The following DTNA variants were observed in gnomAD, a reference collection of about 807,000 sequenced individuals.
The protein encoded by DTNA is dystrophin-related protein 3.
A neutral mutation model predicts 100.7 loss-of-function variants in DTNA; 43 were observed. The ratio of observed to expected loss-of-function variants is 0.43; its 90% CI spans 0.33 to 0.55. The LOEUF is 0.55. DTNA is among the 20% of genes least tolerant of loss of function. DTNA has a pLI of 0.04. For missense variants in DTNA, 798 were observed against 953.9 expected (o/e 0.84, Z 2.15); for synonymous variants, 349 against 347.9 (o/e 1.00, Z -0.04).
At chr18:34,625,288 C>G (rs2057163329) in intron 1 of DTNA, among the ~76,000 whole-genome samples, 1 of 152,182 alleles carries the variant, frequency 6.6e-6, no homozygotes, top group Non-Finnish European at 1.5e-5. Context: ...CTCGGCCTCC[C>G]AAAGTGCTGG....
intron 1 of DTNA, among the ~76,000 whole-genome samples, chr18:34,623,481 C>A (rs973491589): frequency 3.9e-5 from 6 of 152,134 alleles, no homozygotes; most frequent in Non-Finnish European, 8.8e-5. Context: ...TTTCTGGAAC[C>A]TTTGCTTCTC....
At chr18:34,556,604 G>A (rs2046082140) in intron 1 of DTNA, among the ~76,000 whole-genome samples, 1 of 152,046 alleles carries the variant, frequency 6.6e-6, no homozygotes, top group Admixed American at 6.6e-5. Context: ...TGTCTATAAA[G>A]TATTTTATTT....
chr18:34,804,621 T>C (rs1777837864), intron 4 of DTNA, among the ~76,000 whole-genome samples: 1 of 152,166 alleles, frequency 6.6e-6, no homozygotes, highest in Non-Finnish European at 1.5e-5. Flanking sequence ...ATGGTGTTTC[T>C]AATAACCAGC....
chr18:34,622,413 A>G (rs951417296), intron 1 of DTNA, among the ~76,000 whole-genome samples: 4 of 152,176 alleles, frequency 2.6e-5, no homozygotes, highest in Admixed American at 1.3e-4. Flanking sequence ...AAAAAGTGCT[A>G]CGGTTTGGTG....
At chr18:34,802,984 G>T (rs2095264149) in intron 4 of DTNA, among the ~76,000 whole-genome samples, 1 of 152,072 alleles carries the variant, frequency 6.6e-6, no homozygotes, top group African/African-American at 2.4e-5. Context: ...TTTTAAAAAA[G>T]ATCCATTTGT....
At chr18:34,508,520 C>T (rs376569323) in intron 1 of DTNA, among the ~76,000 whole-genome samples, 4 of 151,994 alleles carry the variant, frequency 2.6e-5, no homozygotes, top group African/African-American at 9.7e-5. Context: ...TTCCAAACCC[C>T]AGGATAGGGT....
intron 1 of DTNA, among the ~76,000 whole-genome samples, chr18:34,503,388 T>C: frequency 6.8e-6 from 1 of 146,674 alleles, no homozygotes; most frequent in East Asian, 2.1e-4. Flanking sequence ...CCCAGGTTCA[T>C]GCCATTCTCC....
At chr18:34,495,102 G>A (rs2039043333) in intron 1 of DTNA, among the ~76,000 whole-genome samples, 1 of 152,170 alleles carries the variant, frequency 6.6e-6, no homozygotes, top group African/African-American at 2.4e-5. Context: ...TTTATTAAGT[G>A]TTAGGAGTCT....
intron 1 of DTNA, among the ~76,000 whole-genome samples, chr18:34,712,101 G>A (rs1175701923): frequency 6.6e-6 from 1 of 151,970 alleles, no homozygotes; most frequent in Non-Finnish European, 1.5e-5. Flanking sequence ...AATATCTGAG[G>A]TAGAAAGTGT....
intron 2 of DTNA, among the ~76,000 whole-genome samples, chr18:34,765,520 AG>A (rs2093422194): frequency 1.3e-5 from 2 of 152,236 alleles, no homozygotes; most frequent in African/African-American, 4.8e-5. Context: ...AATTGGCCTA[AG>A]GGCACACAGA....
At chr18:34,614,543 A>T (rs2054862212) in intron 1 of DTNA, among the ~76,000 whole-genome samples, 1 of 152,244 alleles carries the variant, frequency 6.6e-6, no homozygotes. Flanking sequence ...AGGTCAAAAT[A>T]TCATTAACAG....
At chr18:34,744,782 T>G (rs913753114) in intron 1 of DTNA, among the ~76,000 whole-genome samples, 1 of 152,156 alleles carries the variant, frequency 6.6e-6, no homozygotes. Context: ...CAGTTATGCT[T>G]TAGCCTATGT....
intron 17 of DTNA, among the ~76,000 whole-genome samples, chr18:34,873,019 T>A (rs1322601015): frequency 6.6e-6 from 1 of 152,224 alleles, no homozygotes; most frequent in Non-Finnish European, 1.5e-5. Context: ...AAAATGGGAA[T>A]AATAATACTT....
At chr18:34,535,792 C>G (rs571275301) in intron 1 of DTNA, among the ~76,000 whole-genome samples, 52 of 152,050 alleles carry the variant, frequency 3.4e-4, no homozygotes, top group Middle Eastern at 3.4e-3. Context: ...TGTCACAGAT[C>G]AGATGGTTGT....
chr18:34,557,626 C>A (rs1446675061), intron 1 of DTNA, among the ~76,000 whole-genome samples: 4 of 151,504 alleles, frequency 2.6e-5, no homozygotes, highest in Middle Eastern at 3.4e-3. Context: ...AATACCCTGC[C>A]GTGTGAGGTG....
chr18:34,718,338 A>AT (rs2084504772), intron 1 of DTNA, among the ~76,000 whole-genome samples: 2 of 152,168 alleles, frequency 1.3e-5, no homozygotes, highest in Admixed American at 1.3e-4. Context: ...ACATTCTTTG[A>AT]TTTTGACAAA....
At chr18:34,638,622 T>C (rs1176924291) in intron 1 of DTNA, among the ~76,000 whole-genome samples, 2 of 152,238 alleles carry the variant, frequency 1.3e-5, no homozygotes, top group African/African-American at 2.4e-5. Flanking sequence ...TTGGTTCCTA[T>C]ATTTCTATAT....
intron 3 of DTNA, among the ~76,000 whole-genome samples, chr18:34,793,656 A>G (rs560888000): frequency 2.6e-5 from 4 of 152,296 alleles, no homozygotes; most frequent in African/African-American, 9.6e-5. Flanking sequence ...TGGGGAAATA[A>G]CTTTTAAACC....
chr18:34,780,461 C>T (rs2094267888), intron 3 of DTNA, among the ~76,000 whole-genome samples: 1 of 152,122 alleles, frequency 6.6e-6, no homozygotes, highest in Admixed American at 6.6e-5. Context: ...TGGCACCAGC[C>T]CTAAGCAGCT....
Sources: gnomAD v4.1 joint callset for allele counts (sites outside exome capture counted in the v4.1 genomes callset) on GRCh38, gnomAD v4.1.1 for gene constraint, MANE v1.5 for transcripts, NCBI Gene and HGNC (gene_info 2026-07-23, HGNC 2026-07-21) for gene names.